RAG1: variants seen among roughly 807,000 people sequenced by gnomAD.
RAG1 encodes the protein recombination activating 1.
RAG1 carries 35 observed loss-of-function variants against 62.7 expected under a neutral mutation model. The observed-to-expected ratio is 0.56, with a 90% confidence interval of 0.43 to 0.74. The LOEUF (loss-of-function observed/expected upper bound fraction) is 0.74, where lower values mean the gene tolerates loss of function less well. Ranked by LOEUF, RAG1 falls within the 30% of genes least tolerant of loss-of-function variation. RAG1 has a pLI of 0.00. For missense variants in RAG1, 1,169 were observed against 1,278.6 expected (o/e 0.91, Z 1.31); for synonymous variants, 461 against 470.3 (o/e 0.98, Z 0.26).
At position 36,575,420 on chromosome 11, in the gene RAG1, A is replaced by C; in HGVS notation, c.2116A>C (p.Arg706=). 6.2e-7 allele frequency: 1 copy of C among 1,614,026 alleles called. No homozygotes were observed. The highest frequency in any genetic ancestry group is 2.2e-5 in the East Asian group (1 of 44,870). Residue 706 remains arginine, a synonymous_variant, in exon 2 of 2, where the codon AGG becomes CGG. Coordinates refer to ENST00000299440, the MANE Select transcript of RAG1 (RefSeq NM_000448.3). The surrounding 1 kb of genome is among the most constrained non-coding windows in gnomAD (Gnocchi z 4.1). ...TCTCCGGACTTTCAAGTTCATCTTC[A>C]GGGGCACCGGCTATGATGAAAAACT... ...GILRTFKFIF[R]GTGYDEKLVR...
chr11:36,525,227 T>C (rs866966855), intron 2 of RAG1, among the ~76,000 whole-genome samples: 1 of 152,204 alleles, frequency 6.6e-6, no homozygotes, highest in South Asian at 2.1e-4. Flanking sequence ...TGGGTCTATT[T>C]CTGGTTTCTC....
At chr11:36,569,074 G>A (rs1435197479) in intron 1 of RAG1, among the ~76,000 whole-genome samples, 1 of 152,178 alleles carries the variant, frequency 6.6e-6, no homozygotes, top group Non-Finnish European at 1.5e-5. Flanking sequence ...AAGATTGTGG[G>A]CCAAGTAACG....
At position 36,576,401 on chromosome 11, in the gene RAG1, G is replaced by A. The variant is rs1285348910; in HGVS notation, c.3097G>A (p.Asp1033Asn). 1.2e-6 allele frequency: 2 copies of A among 1,614,136 alleles called. No homozygotes were observed. Among genetic ancestry groups the A allele is most frequent in the Admixed American group, 1.7e-5 (1 of 60,022 alleles). The change falls in exon 2 of 2, where the codon GAC becomes AAC. Residue 1033 changes from aspartate to asparagine, a missense_variant. Asp to Asn is a conservative substitution (Grantham distance 23). Around this residue, in one of 2 missense-constraint regions of RAG1, gnomAD observed 800 missense variants for 943.3 expected, o/e 0.85. Transcript: ENST00000299440. ...ASLGDPLGIE[D>N]SLESQDSMEF ...CTTAGGGGACCCATTAGGCATAGAG[G>A]ACTCTCTGGAAAGCCAAGATTCAAT...
downstream of RAG1, among the ~76,000 whole-genome samples, chr11:36,540,397 T>C (rs192661041): frequency 2.6e-3 from 401 of 152,232 alleles, no homozygotes; most frequent in African/African-American, 9.4e-3. Context: ...ATTTCTTTTC[T>C]TTATTTTATT....
At chr11:36,571,668 G>A (rs186126515) in intron 1 of RAG1, among the ~76,000 whole-genome samples, 8 of 152,258 alleles carry the variant, frequency 5.3e-5, no homozygotes, top group African/African-American at 1.9e-4. Context: ...AGGCTGGGTT[G>A]CAGTGGCGTG....
intron 3 of RAG1, among the ~76,000 whole-genome samples, chr11:36,548,762 G>GA (rs1564982149): frequency 6.6e-6 from 1 of 152,024 alleles, no homozygotes. Flanking sequence ...CACAGAATTG[G>GA]AAAAAACTAC....
chr11:36,573,957 G>C lies in RAG1; in HGVS notation c.653G>C (p.Arg218Pro), dbSNP rs202178215. ...TPSCDICNTARRGLKRKSLQP... is the reference protein window; with the variant it reads ...TPSCDICNTAPRGLKRKSLQP... ...TCCTGTGACATCTGCAACACTGCCC[G>C]TCGGGGACTCAAGAGGAAGAGTCTT... The change falls in exon 2 of 2, where the codon CGT (arginine) becomes CCT (proline). Residue 218 changes from arginine to proline, a missense_variant. Around this residue, in one of 2 missense-constraint regions of RAG1, gnomAD observed 369 missense variants for 335.3 expected, o/e 1.10. Transcript: ENST00000299440. 2 of 1,614,098 alleles carry C rather than the reference G, an allele frequency of 1.2e-6. No homozygotes were observed. The highest frequency in any genetic ancestry group is 1.7e-6 in the Non-Finnish European group (2 of 1,180,032).
chr11:36,563,968 T>G (rs1453323244), upstream of RAG1, among the ~76,000 whole-genome samples: 3 of 152,370 alleles, frequency 2.0e-5, 1 homozygote, highest in South Asian at 4.1e-4. Flanking sequence ...TCCTCCTATG[T>G]CAATGTTTGA....
chr11:36,513,569 T>C (rs1399627774), intron 1 of RAG1, among the ~76,000 whole-genome samples: 1 of 152,212 alleles, frequency 6.6e-6, no homozygotes, highest in Non-Finnish European at 1.5e-5. Flanking sequence ...CCACAATACA[T>C]AGGGCTGCCT....
chr11:36,564,707 T>C (rs1850636674), upstream of RAG1, among the ~76,000 whole-genome samples: 1 of 152,120 alleles, frequency 6.6e-6, no homozygotes, highest in Admixed American at 6.5e-5. Context: ...ATTGAGTTAA[T>C]TAGAAAACAA....
chr11:36,540,844 C>T (rs1282831213), downstream of RAG1, among the ~76,000 whole-genome samples: 1 of 152,194 alleles, frequency 6.6e-6, no homozygotes, highest in Non-Finnish European at 1.5e-5. Flanking sequence ...AGAGATTCGT[C>T]TCTCCATTTT....
chr11:36,523,944 C>T (rs1382337593), intron 2 of RAG1, among the ~76,000 whole-genome samples: 1 of 152,050 alleles, frequency 6.6e-6, no homozygotes, highest in Admixed American at 6.6e-5. Context: ...GTCATGTTGC[C>T]CTTTTATACC....
chr11:36,511,331 G>A (rs1034754762), intron 1 of RAG1, among the ~76,000 whole-genome samples: 5 of 152,156 alleles, frequency 3.3e-5, no homozygotes, highest in Admixed American at 6.5e-5. Flanking sequence ...GTGCATATCT[G>A]TAGTCTCGGC....
At chr11:36,516,884 A>G (rs953686356) in intron 1 of RAG1, among the ~76,000 whole-genome samples, 5 of 152,228 alleles carry the variant, frequency 3.3e-5, no homozygotes, top group African/African-American at 1.2e-4. Flanking sequence ...TACAGGTGTT[A>G]ACCACTGAAC....
intron 3 of RAG1, among the ~76,000 whole-genome samples, chr11:36,544,477 T>G (rs1850363048): frequency 6.6e-6 from 1 of 152,206 alleles, no homozygotes; most frequent in Non-Finnish European, 1.5e-5. Context: ...TTCCCCTTTC[T>G]GAAGACAGCC....
chr11:36,514,869 G>A (rs1251676164), intron 1 of RAG1, among the ~76,000 whole-genome samples: 1 of 152,164 alleles, frequency 6.6e-6, no homozygotes, highest in African/African-American at 2.4e-5. Flanking sequence ...CTAAATACCT[G>A]AGTGATGGTT....
intron 3 of RAG1, among the ~76,000 whole-genome samples, chr11:36,544,626 C>A (rs766314112): frequency 3.9e-5 from 6 of 152,176 alleles, no homozygotes; most frequent in Non-Finnish European, 8.8e-5. Context: ...TTCCCACTAA[C>A]AATAACTCTT....
intron 2 of RAG1, among the ~76,000 whole-genome samples, chr11:36,533,763 A>G (rs886379563): frequency 6.6e-6 from 1 of 151,994 alleles, no homozygotes; most frequent in Admixed American, 6.6e-5. Context: ...TTGATTTGCG[A>G]TAGTAATCAT....
chr11:36,574,900 C>T lies in RAG1; in HGVS notation c.1596C>T (p.Ser532=). ...WQPPLKNVSS[S]TDVGIIDGLS... ...CACCTCTGAAGAATGTGTCTTCCAG[C>T]ACTGATGTTGGCATTATTGATGGGC... Residue 532 remains serine, a synonymous_variant, in exon 2 of 2, where the codon AGC becomes AGT. Transcript: ENST00000299440. 6.2e-7 allele frequency: 1 copy of T among 1,614,218 alleles called. No individual in the cohort carries two copies. The highest frequency in any genetic ancestry group is 8.5e-7 in the Non-Finnish European group (1 of 1,180,046).
Sources: allele counts gnomAD v4.1 joint callset (sites outside exome capture counted in the v4.1 genomes callset), GRCh38; gene constraint gnomAD v4.1.1; regional missense constraint gnomAD v4.1.1; non-coding constraint Gnocchi (gnomAD v3.1); transcripts MANE v1.5; gene names NCBI Gene and HGNC (gene_info 2026-07-23, HGNC 2026-07-21).